Variants in PON2 observed in about 807,000 individuals in gnomAD.
The protein encoded by PON2 is paraoxonase 2, also known as serum paraoxonase/arylesterase 2.
Under a neutral mutation model 36.6 loss-of-function variants are expected in PON2, and 27 were observed. The observed-to-expected ratio is 0.74, with a 90% confidence interval of 0.54 to 1.02. PON2 has a LOEUF of 1.02. Ranked by LOEUF, PON2 falls within the 50% of genes least tolerant of loss-of-function variation. The pLI, the probability that PON2 is intolerant of heterozygous loss-of-function variation, is 0.00. For missense variants in PON2, 363 were observed against 421.1 expected (o/e 0.86, Z 1.21); for synonymous variants, 149 against 156.3 (o/e 0.95, Z 0.35).
intron 2 of PON2, among the ~76,000 whole-genome samples, chr7:95,417,558 T>C (rs1789091291): frequency 6.6e-6 from 1 of 152,094 alleles, no homozygotes; most frequent in African/African-American, 2.4e-5. Context: ...AAAGAGACTG[T>C]GATTCCCCCA....
At chr7:95,410,998 TGAAATTTCATTA>T (rs1788909796) in intron 5 of PON2, among the ~76,000 whole-genome samples, 5 of 152,170 alleles carry the variant, frequency 3.3e-5, no homozygotes, top group African/African-American at 4.8e-5. Flanking sequence ...TCATTAGAAA[TGAAATTTCATTA>T]GAAATTAAAA....
At chr7:95,412,785 T>C in intron 3 of PON2, 1 of 400,840 alleles carries the variant, frequency 2.5e-6, no homozygotes, top group Non-Finnish European at 4.7e-6. Flanking sequence ...ATACTGACTG[T>C]GGAAATTTGT....
At chr7:95,424,297 G>C (rs1436169494) in intron 2 of PON2, 2 of 570,716 alleles carry the variant, frequency 3.5e-6, no homozygotes, top group African/African-American at 3.8e-5. Context: ...GCTAAACATA[G>C]AATTACACAC....
chr7:95,426,977 T>C (rs536256683), intron 1 of PON2, among the ~76,000 whole-genome samples: 1 of 152,310 alleles, frequency 6.6e-6, no homozygotes, highest in Non-Finnish European at 1.5e-5. Flanking sequence ...GGGTTCCTGT[T>C]TCAGAGTCAA....
At chr7:95,408,563 T>C (rs1175227255) in intron 6 of PON2, among the ~76,000 whole-genome samples, 3 of 152,214 alleles carry the variant, frequency 2.0e-5, no homozygotes, top group Admixed American at 6.5e-5. Flanking sequence ...CAGATTTGGC[T>C]GCAGAGGTTG....
rs972279084 is a variant in PON2 at position 95,411,848 on chromosome 7, T to C, written c.368-69A>G. 5.9e-6 allele frequency: 9 copies of C among 1,519,834 alleles called. No homozygotes were observed. In the African/African-American group the frequency reaches 8.2e-5, roughly 14 times the overall value. 94.1% of individuals were successfully genotyped at this position (1,519,834 alleles called of 1,614,324 possible). A position where few individuals can be genotyped will look rare whatever the true frequency, so the allele number is the denominator to read the frequency against. ...CGGGACCTCTGGGCAGGCACTGACA[T>C]TTAAATACCACAGGCAAGGAAAGGT... On this transcript the variant is annotated intron_variant, in intron 4 of 8. Coordinates refer to ENST00000222572, the MANE Select transcript of PON2 (RefSeq NM_000305.3).
At chr7:95,407,963 T>C (rs1206181275) in intron 6 of PON2, among the ~76,000 whole-genome samples, 1 of 152,114 alleles carries the variant, frequency 6.6e-6, no homozygotes, top group Admixed American at 6.6e-5. Flanking sequence ...GAGGAAGGAA[T>C]GTTTAAAACA....
At chr7:95,434,805 C>A in intron 1 of PON2, 73 bp downstream of exon 1, 2 of 1,485,854 alleles carry the variant, frequency 1.3e-6, no homozygotes, top group Non-Finnish European at 1.8e-6. Flanking sequence ...CCCCAGCCTG[C>A]GCCCTCCCCG....
At chr7:95,427,906 A>C in intron 1 of PON2, among the ~76,000 whole-genome samples, 2 of 152,256 alleles carry the variant, frequency 1.3e-5, no homozygotes, top group East Asian at 3.8e-4. Flanking sequence ...CATGTAAAAA[A>C]TACAACATAA....
chr7:95,424,781 C>A (rs1585761420), intron 1 of PON2, among the ~76,000 whole-genome samples, 196 bp from the exon 2 acceptor site: 1 of 151,546 alleles, frequency 6.6e-6, no homozygotes, highest in African/African-American at 2.4e-5. Context: ...ACAAAAATGC[C>A]TATTGCAAAG....
intron 2 of PON2, among the ~76,000 whole-genome samples, chr7:95,419,934 A>G (rs996747254): frequency 6.6e-6 from 1 of 152,190 alleles, no homozygotes; most frequent in Non-Finnish European, 1.5e-5. Context: ...TTATAACAGC[A>G]ACGCATCCTT....
chr7:95,419,177 T>G (rs1449317602), intron 2 of PON2, among the ~76,000 whole-genome samples: 3 of 152,198 alleles, frequency 2.0e-5, no homozygotes, highest in Admixed American at 2.0e-4. Context: ...CCAGGTAAGG[T>G]CCCACACATT....
At chr7:95,427,103 T>G (rs1162467782) in intron 1 of PON2, among the ~76,000 whole-genome samples, 1 of 152,230 alleles carries the variant, frequency 6.6e-6, no homozygotes, top group Non-Finnish European at 1.5e-5. Context: ...AAGAGTTACA[T>G]GAGGGTTGTG....
chr7:95,410,191 G>T, intron 5 of PON2, 90 bp from the exon 6 acceptor site: 28 of 1,127,542 alleles, frequency 2.5e-5, no homozygotes, highest in Non-Finnish European at 3.5e-5. Flanking sequence ...TATGCAACAT[G>T]TGCTTTAAAT....
chr7:95,410,853 G>A (rs1436712561), intron 5 of PON2, among the ~76,000 whole-genome samples: 2 of 152,070 alleles, frequency 1.3e-5, no homozygotes, highest in East Asian at 3.9e-4. Context: ...TTCTGAAAGA[G>A]CACCATAATG....
chr7:95,408,145 A>G (rs1809754340), intron 6 of PON2, among the ~76,000 whole-genome samples: 1 of 152,228 alleles, frequency 6.6e-6, no homozygotes, highest in African/African-American at 2.4e-5. Flanking sequence ...TCTGTTCCAC[A>G]ATTCCTGAGC....
At chr7:95,411,391 C>T (rs1023773427) in intron 5 of PON2, among the ~76,000 whole-genome samples, 2 of 152,114 alleles carry the variant, frequency 1.3e-5, no homozygotes, top group African/African-American at 2.4e-5. Flanking sequence ...ACCCTGTAGT[C>T]GGGCACTTCA....
intron 1 of PON2, among the ~76,000 whole-genome samples, chr7:95,425,871 T>G (rs995759686): frequency 4.6e-5 from 7 of 151,966 alleles, no homozygotes; most frequent in African/African-American, 1.7e-4. Context: ...AAATCAATAT[T>G]TAAATATAAT....
chr7:95,416,372 G>C, intron 2 of PON2, 75 bp from the exon 3 acceptor site: 1 of 1,499,238 alleles, frequency 6.7e-7, no homozygotes, highest in Non-Finnish European at 9.3e-7. Flanking sequence ...CTGGGACTCT[G>C]TTTACTTTAT....
Sources: gnomAD v4.1 joint callset for allele counts (sites outside exome capture counted in the v4.1 genomes callset) on GRCh38, gnomAD v4.1.1 for gene constraint, MANE v1.5 for transcripts, NCBI Gene and HGNC (gene_info 2026-07-23, HGNC 2026-07-21) for gene names.